Variants in GRM3 observed in about 807,000 individuals in gnomAD.
GRM3 encodes glutamate metabotropic receptor 3.
GRM3 carries 26 observed loss-of-function variants against 70.5 expected under a neutral mutation model. The ratio of observed to expected loss-of-function variants is 0.37; its 90% confidence interval spans 0.27 to 0.51. The LOEUF is 0.51. Among genes scored for constraint, GRM3 ranks in the 20% least tolerant of loss-of-function variants. The probability of loss-of-function intolerance (pLI) is 0.93; values close to 1 mark genes in which losing one functional copy is unlikely to be tolerated. For missense variants in GRM3, 859 were observed against 1,123.8 expected, an observed-to-expected ratio of 0.76 and a Z score of 3.37; for synonymous variants, 443 against 434.9, an observed-to-expected ratio of 1.02 and a Z score of -0.23.
At chr7:86,746,163 T>C (rs1410509603) in intron 1 of GRM3, among the ~76,000 whole-genome samples, 3 of 151,690 alleles carry the variant, frequency 2.0e-5, no homozygotes, top group Non-Finnish European at 4.4e-5. Flanking sequence ...TTCTAATGTT[T>C]TCCTCATCTG....
chr7:86,728,469 T>C (rs904254251), intron 1 of GRM3, among the ~76,000 whole-genome samples: 2 of 152,196 alleles, frequency 1.3e-5, no homozygotes, highest in African/African-American at 4.8e-5. Context: ...GAAACTATAG[T>C]CAACTCAGCC....
At chr7:86,774,911 T>C (rs183234287) in intron 2 of GRM3, among the ~76,000 whole-genome samples, 12 of 152,260 alleles carry the variant, frequency 7.9e-5, no homozygotes, top group African/African-American at 2.9e-4. Flanking sequence ...GTGCATTAAG[T>C]CTATATTACC....
intron 3 of GRM3, among the ~76,000 whole-genome samples, chr7:86,804,824 A>T (rs181278457): frequency 3.5e-4 from 53 of 152,280 alleles, no homozygotes; most frequent in African/African-American, 1.3e-3. Flanking sequence ...TTTAAAGAGG[A>T]TGGTAGGTAT....
intron 1 of GRM3, among the ~76,000 whole-genome samples, chr7:86,743,159 A>T (rs1166887048): frequency 6.6e-6 from 1 of 152,188 alleles, no homozygotes; most frequent in Non-Finnish European, 1.5e-5. Flanking sequence ...AGCATGTTTT[A>T]TGTGAAAATA....
At chr7:86,817,000 C>G (rs7806785) in intron 3 of GRM3, among the ~76,000 whole-genome samples, 58,889 of 151,390 alleles carry the variant, frequency 0.39, 13,529 homozygotes, top group African/African-American at 0.65. Context: ...GAAGTAAGAG[C>G]AAGAAATTCT....
chr7:86,845,516 G>A (rs1192582778), intron 4 of GRM3, among the ~76,000 whole-genome samples: 1 of 151,924 alleles, frequency 6.6e-6, no homozygotes, highest in Non-Finnish European at 1.5e-5. Flanking sequence ...TGGTGATTTG[G>A]GTGTCTGTCA....
intron 1 of GRM3, among the ~76,000 whole-genome samples, chr7:86,667,478 C>T (rs1794056222): frequency 6.6e-6 from 1 of 152,066 alleles, no homozygotes; most frequent in African/African-American, 2.4e-5. Context: ...AAACACTAAG[C>T]AAAGCTTTTA....
chr7:86,749,581 C>T (rs1228526399), intron 1 of GRM3, among the ~76,000 whole-genome samples: 2 of 152,004 alleles, frequency 1.3e-5, no homozygotes, highest in Non-Finnish European at 2.9e-5. Flanking sequence ...AATTCATGTA[C>T]AAAGGTCCCC....
At chr7:86,648,741 T>TA (rs1376931387) in intron 1 of GRM3, among the ~76,000 whole-genome samples, 2 of 151,762 alleles carry the variant, frequency 1.3e-5, no homozygotes, top group East Asian at 1.9e-4. Context: ...AAAAAAAACA[T>TA]AAAAAAACAG....
intron 1 of GRM3, among the ~76,000 whole-genome samples, chr7:86,664,434 A>T (rs886296658): frequency 1.3e-5 from 2 of 151,986 alleles, no homozygotes; most frequent in African/African-American, 4.8e-5. Context: ...AATAATAAGC[A>T]TTTATTTTGA....
intron 1 of GRM3, among the ~76,000 whole-genome samples, chr7:86,753,223 C>G (rs1472839815): frequency 1.3e-5 from 2 of 152,086 alleles, no homozygotes; most frequent in Non-Finnish European, 2.9e-5. Flanking sequence ...ATTATCCTCA[C>G]TCCAACAATT....
At chr7:86,852,076 CT>C (rs1241903965) in intron 5 of GRM3, among the ~76,000 whole-genome samples, 5 of 152,114 alleles carry the variant, frequency 3.3e-5, no homozygotes, top group Non-Finnish European at 7.4e-5. Flanking sequence ...GGGTCACACA[CT>C]TTAAAAATGG....
Position 86,694,871 on chromosome 7 carries a change from G to A in GRM3, c.-141+49999G>A, listed in dbSNP as rs541599111. ...TGAAGGAGAAATAACTCTTATTTTC[G>A]CTTCCTCACATATTATGTTGTTCAC... is the stretch of plus-strand genomic sequence containing the variant. On this transcript the variant is annotated intron_variant, in intron 1 of 5. Coordinates refer to ENST00000361669, the MANE Select transcript of GRM3 (RefSeq NM_000840.3). Among the ~76,000 whole-genome samples the A allele has an allele frequency of 3.9e-5, 6 of 152,212 alleles. No homozygotes were observed. In the East Asian group the frequency reaches 9.7e-4, roughly 25 times the overall value.
intron 1 of GRM3, among the ~76,000 whole-genome samples, chr7:86,656,885 T>C (rs802437): frequency 0.66 from 100,702 of 152,032 alleles, 33,689 homozygotes; most frequent in East Asian, 0.87. Flanking sequence ...TTGCTGGTTT[T>C]TCTGACTAGA....
Position 86,825,610 on chromosome 7 carries a change from G to T in GRM3, c.1325-13229G>T, listed in dbSNP as rs1198272034. Among the ~76,000 whole-genome samples, 5 of 152,184 alleles carry T rather than the reference G, an allele frequency of 3.3e-5. No individual in the cohort carries two copies. In the East Asian group the frequency reaches 5.8e-4, roughly 18 times the overall value. On this transcript the variant is annotated intron_variant, in intron 3 of 5. Coordinates refer to ENST00000361669, the MANE Select transcript of GRM3 (RefSeq NM_000840.3). ...CATGCATTCATAAAACAACAAAATAGAAATTAATTTGCCTTACCCATGGAA... is the reference window on the plus strand; with the variant it reads ...CATGCATTCATAAAACAACAAAATATAAATTAATTTGCCTTACCCATGGAA...
chr7:86,755,925 A>G (rs1021006204), intron 1 of GRM3, among the ~76,000 whole-genome samples: 1 of 152,190 alleles, frequency 6.6e-6, no homozygotes, highest in Non-Finnish European at 1.5e-5. Context: ...TAAGCTAACA[A>G]TATCTAATGT....
chr7:86,768,054 A>G (rs560505603), intron 2 of GRM3, among the ~76,000 whole-genome samples: 92 of 152,296 alleles, frequency 6.0e-4, no homozygotes, highest in African/African-American at 2.2e-3. Flanking sequence ...ACCCAAAACT[A>G]TCATGCTATA....
intron 3 of GRM3, among the ~76,000 whole-genome samples, chr7:86,790,301 T>C (rs1004585544): frequency 6.6e-6 from 1 of 152,164 alleles, no homozygotes; most frequent in Admixed American, 6.5e-5. Context: ...TCATACTTTA[T>C]ATCCAATACA....
intron 2 of GRM3, among the ~76,000 whole-genome samples, chr7:86,783,810 A>C (rs1326573487): frequency 6.6e-6 from 1 of 152,206 alleles, no homozygotes; most frequent in Admixed American, 6.5e-5. Flanking sequence ...TGTGTTTCTA[A>C]TGTAACTCTG....
Sources: gnomAD v4.1 joint callset for allele counts (sites outside exome capture counted in the v4.1 genomes callset) on GRCh38, gnomAD v4.1.1 for gene constraint, MANE v1.5 for transcripts, NCBI Gene and HGNC (gene_info 2026-07-23, HGNC 2026-07-21) for gene names.